The following TIAM1 variants were observed in gnomAD, a reference collection of about 807,000 sequenced individuals.
TIAM1 encodes the protein rho guanine nucleotide exchange factor TIAM1.
TIAM1 carries 65 observed loss-of-function variants against 163.5 expected under a neutral mutation model. That is an observed-to-expected ratio of 0.40 (90% CI 0.33 to 0.49). TIAM1 has a LOEUF of 0.49. Among genes scored for constraint, TIAM1 ranks in the 20% least tolerant of loss-of-function variants. The pLI, the probability that TIAM1 is intolerant of heterozygous loss-of-function variation, is 0.77. For missense variants in TIAM1, 1,789 were observed against 2,044.7 expected (o/e 0.87, Z 2.41); for synonymous variants, 833 against 810.1 (o/e 1.03, Z -0.48).
Position 31,388,212 on chromosome 21 carries a change from A to AACACACACACACAC in TIAM1, c.-368-48804_-368-48791dup, listed in dbSNP as rs11369323. Among the ~76,000 whole-genome samples, 22 of 115,846 alleles carry AACACACACACACAC rather than the reference A, an allele frequency of 1.9e-4. 1 individual carries two copies. The highest frequency in any genetic ancestry group is 5.1e-4 in the African/African-American group (15 of 29,554). The allele number at this position is 115,846 out of a possible 152,430, so 76.0% of individuals were successfully genotyped here. A position where few individuals can be genotyped will look rare whatever the true frequency, so the allele number is the denominator to read the frequency against. On this transcript the variant is annotated intron_variant, in intron 2 of 28. Coordinates refer to the TIAM1 transcript ENST00000286827. ...TCTTTATCCAACGCAAGAAGACCCT[A>AACACACACACACAC]ACACACACACACACACACACACACA...
intron 2 of TIAM1, among the ~76,000 whole-genome samples, chr21:31,385,504 TG>T (rs1243294203): frequency 6.6e-6 from 1 of 152,058 alleles, no homozygotes; most frequent in African/African-American, 2.4e-5. Flanking sequence ...ACCCAGTGTC[TG>T]TAGGGACGGT....
intron 16 of TIAM1, chr21:31,160,377 A>G (rs1387094646): frequency 2.5e-6 from 1 of 398,454 alleles, no homozygotes; most frequent in African/African-American, 2.1e-5. Flanking sequence ...ATTGAAAAAC[A>G]ACTGAGCTAG....
At position 31,141,510 on chromosome 21, in the gene TIAM1, A is replaced by C; in HGVS notation, c.3476-6T>G. On this transcript the variant is annotated splice_region_variant and splice_polypyrimidine_tract_variant and intron_variant, in intron 20 of 27. Coordinates refer to ENST00000541036, the MANE Select transcript of TIAM1 (RefSeq NM_001353694.2). The surrounding 1 kb of genome is among the most constrained non-coding windows in gnomAD (Gnocchi z 4.7). Reference sequence around the variant, plus strand: ...GAAAGCCGTGTCTGTCTTGGCTGGCAGGGTTTAAACACAGGTCATGGGGGT... The same window carrying C: ...GAAAGCCGTGTCTGTCTTGGCTGGCCGGGTTTAAACACAGGTCATGGGGGT... 1 of 1,613,366 alleles carries C rather than the reference A, an allele frequency of 6.2e-7. No individual in the cohort carries two copies. The highest frequency in any genetic ancestry group is 8.5e-7 in the Non-Finnish European group (1 of 1,179,752).
intron 2 of TIAM1, among the ~76,000 whole-genome samples, chr21:31,408,104 G>C (rs2077280817): frequency 6.6e-6 from 1 of 152,012 alleles, no homozygotes. Context: ...CCAAACTTAG[G>C]GCAAAGACAT....
At chr21:31,270,057 C>T (rs144638855) in intron 3 of TIAM1, among the ~76,000 whole-genome samples, 1 of 152,308 alleles carries the variant, frequency 6.6e-6, no homozygotes, top group Non-Finnish European at 1.5e-5. Flanking sequence ...TTCAATCTTA[C>T]TTAACCCTTT....
At chr21:31,200,943 T>C (rs1467710085) in intron 12 of TIAM1, among the ~76,000 whole-genome samples, 1 of 152,220 alleles carries the variant, frequency 6.6e-6, no homozygotes, top group East Asian at 1.9e-4. Flanking sequence ...TACTTAAGAT[T>C]CTTTTAAAAT....
chr21:31,279,270 C>A (rs974088727), intron 2 of TIAM1, among the ~76,000 whole-genome samples: 6 of 152,172 alleles, frequency 3.9e-5, no homozygotes, highest in Non-Finnish European at 1.5e-5. Flanking sequence ...ACCCTGGTTG[C>A]GGAACTGATC....
chr21:31,356,981 T>A (rs1399614456), intron 2 of TIAM1, among the ~76,000 whole-genome samples: 2 of 152,206 alleles, frequency 1.3e-5, no homozygotes, highest in Non-Finnish European at 2.9e-5. Flanking sequence ...TAAACATTTT[T>A]AAAATTTTTA....
intron 1 of TIAM1, among the ~76,000 whole-genome samples, chr21:31,520,155 A>G (rs1214712658): frequency 6.6e-6 from 1 of 151,978 alleles, no homozygotes; most frequent in Non-Finnish European, 1.5e-5. Flanking sequence ...ACATGGAAAA[A>G]CCCTATCTCT....
chr21:31,385,884 A>ATAATTAATTAGTTG (rs2076861167), intron 2 of TIAM1, among the ~76,000 whole-genome samples: 1 of 145,544 alleles, frequency 6.9e-6, no homozygotes, highest in African/African-American at 2.5e-5. Context: ...TATATTAGTT[A>ATAATTAATTAGTTG]ATATAATTAT....
chr21:31,225,684 C>T (rs776066469), intron 7 of TIAM1, 42 bp downstream of exon 7: 1 of 1,520,358 alleles, frequency 6.6e-7, no homozygotes, highest in African/African-American at 1.4e-5. Context: ...CTTTTAGAGA[C>T]CTAACAATTT....
intron 23 of TIAM1, among the ~76,000 whole-genome samples, chr21:31,134,410 C>G (rs969230107): frequency 7.9e-5 from 12 of 152,174 alleles, no homozygotes; most frequent in African/African-American, 2.4e-4. Context: ...CCCCCCTCCC[C>G]CAAAACACCT....
intron 2 of TIAM1, among the ~76,000 whole-genome samples, chr21:31,386,833 GAAT>G (rs2076880352): frequency 6.6e-6 from 1 of 152,214 alleles, no homozygotes; most frequent in Non-Finnish European, 1.5e-5. Flanking sequence ...ATTGTTAAAA[GAAT>G]AACTACAGGA....
chr21:31,391,486 G>A (rs193167707), intron 2 of TIAM1, among the ~76,000 whole-genome samples: 1 of 152,078 alleles, frequency 6.6e-6, no homozygotes, highest in Non-Finnish European at 1.5e-5. Flanking sequence ...TTAGCTGGGC[G>A]TGGTGGCAGG....
chr21:31,134,371 T>C (rs2082536016), intron 23 of TIAM1, among the ~76,000 whole-genome samples: 1 of 152,054 alleles, frequency 6.6e-6, no homozygotes, highest in Non-Finnish European at 1.5e-5. Flanking sequence ...ACACAAGTGG[T>C]GATGTTGAAA....
intron 2 of TIAM1, among the ~76,000 whole-genome samples, chr21:31,369,300 T>C (rs568196638): frequency 6.6e-6 from 1 of 151,820 alleles, no homozygotes; most frequent in Admixed American, 6.6e-5. Flanking sequence ...CATGCATCAG[T>C]TGCAAGGTGC....
chr21:31,203,109 T>A, intron 11 of TIAM1, 97 bp from the exon 12 acceptor site: 1 of 1,013,704 alleles, frequency 9.9e-7, no homozygotes, highest in Non-Finnish European at 1.5e-6. Context: ...CTATGACCAA[T>A]AGAGTTTGTT....
intron 2 of TIAM1, among the ~76,000 whole-genome samples, chr21:31,351,525 T>C (rs1228117083): frequency 6.6e-6 from 1 of 152,158 alleles, no homozygotes; most frequent in Non-Finnish European, 1.5e-5. Flanking sequence ...TGAGAAATTC[T>C]TGGCTAAGCT....
chr21:31,142,653 A>AAAAAAG (rs1200407125), intron 20 of TIAM1, among the ~76,000 whole-genome samples: 2 of 151,778 alleles, frequency 1.3e-5, no homozygotes, highest in African/African-American at 2.4e-5. Context: ...AAAAGAAAGA[A>AAAAAAG]AAAAAGAAAA....
Sources: allele counts gnomAD v4.1 joint callset (sites outside exome capture counted in the v4.1 genomes callset), GRCh38; gene constraint gnomAD v4.1.1; non-coding constraint Gnocchi (gnomAD v3.1); transcripts MANE v1.5; gene names NCBI Gene and HGNC (gene_info 2026-07-23, HGNC 2026-07-21).